PTK2: variants seen among roughly 807,000 people sequenced by gnomAD.
PTK2 encodes protein tyrosine kinase 2, also known as focal adhesion kinase 1.
A neutral mutation model predicts 150.1 loss-of-function variants in PTK2; 45 were observed. The observed-to-expected ratio is 0.30, with a 90% CI of 0.24 to 0.38. The LOEUF is 0.38. Among genes scored for constraint, PTK2 ranks in the 10% least tolerant of loss-of-function variants. The pLI is 1.00. For synonymous variants in PTK2, 432 were observed against 449.2 expected (o/e 0.96, Z 0.48); for missense variants, 919 against 1,307.3 (o/e 0.70, Z 4.58).
intron 2 of PTK2, among the ~76,000 whole-genome samples, chr8:140,900,679 G>A (rs1278546714): frequency 6.6e-6 from 1 of 151,804 alleles, no homozygotes; most frequent in Non-Finnish European, 1.5e-5. Flanking sequence ...CCGAGATCGT[G>A]CCACTGCATT....
rs879199712 is a variant in PTK2, at chr8:140,743,294, A to G, written c.1671T>C (p.Asn557=). ...CAAAGTCTCCTAATTTTACACAATC[A>G]TTTGAGGACACCAGAACATTCCGAG... The change falls in exon 20 of 32, where the codon AAT becomes AAC. Residue 557 remains asparagine, a synonymous_variant. Transcript: ENST00000522684. 6.2e-6 allele frequency: 10 copies of G among 1,613,516 alleles called. No homozygotes were observed. The African/African-American group carries it at 1.2e-4, about 19-fold the overall frequency.
In PTK2 at chr8:140,661,752, G is replaced by C. The variant is rs565812846; in HGVS notation, c.2947-2074C>G. ...TCTGGGCCAGAGCAGGGGGTCTCAAGGGGGAGTTAGGACTGAGGGGAAAGC... is the reference window on the plus strand; with the variant it reads ...TCTGGGCCAGAGCAGGGGGTCTCAACGGGGAGTTAGGACTGAGGGGAAAGC... On this transcript the variant is annotated intron_variant, in intron 31 of 31. Coordinates refer to ENST00000522684, the Ensembl canonical transcript of PTK2. 3.9e-5 allele frequency among the ~76,000 whole-genome samples: 6 copies of C among 152,322 alleles called. No individual in the cohort carries two copies. In the East Asian group the frequency reaches 1.2e-3, roughly 29 times the overall value.
At chr8:140,931,582 A>T (rs1439548888) in intron 1 of PTK2, among the ~76,000 whole-genome samples, 3 of 152,148 alleles carry the variant, frequency 2.0e-5, no homozygotes, top group Admixed American at 1.3e-4. Flanking sequence ...AAAAATTTTT[A>T]AATAAAAATA....
At chr8:141,001,867 T>C (rs1182840838), upstream of PTK2, 1 of 152,234 alleles carries the variant, frequency 6.6e-6, no homozygotes, top group East Asian at 1.9e-4. Context: ...TTTCATGGCA[T>C]TATAGCTAAG....
chr8:140,818,425 T>C, intron 9 of PTK2, 71 bp from the exon 10 acceptor site: 3 of 1,374,230 alleles, frequency 2.2e-6, no homozygotes, highest in Non-Finnish European at 3.1e-6. Flanking sequence ...TAAAGAGCCG[T>C]GGATATGTTA....
chr8:140,956,447 C>T (rs530006822), intron 1 of PTK2, among the ~76,000 whole-genome samples: 13 of 152,314 alleles, frequency 8.5e-5, no homozygotes, highest in African/African-American at 2.6e-4. Context: ...CTAGCACATA[C>T]GATTATGTAC....
chr8:140,695,757 G>A (rs1399247833), intron 26 of PTK2, among the ~76,000 whole-genome samples: 2 of 152,128 alleles, frequency 1.3e-5, no homozygotes, highest in African/African-American at 4.8e-5. Flanking sequence ...GCATTGCCAA[G>A]CCTAAGTAAT....
intron 5 of PTK2, among the ~76,000 whole-genome samples, chr8:140,851,095 T>G (rs2100129017): frequency 6.6e-6 from 1 of 152,234 alleles, no homozygotes; most frequent in Non-Finnish European, 1.5e-5. Flanking sequence ...ACTTACTAGC[T>G]GGGTGACCAA....
intron 14 of PTK2, 44 bp from the exon 17 acceptor site, chr8:140,764,334 G>A: frequency 7.3e-7 from 1 of 1,376,074 alleles, no homozygotes; most frequent in Non-Finnish European, 1.0e-6. Flanking sequence ...TTAAACATCT[G>A]ACCTCCTGGT....
chr8:140,910,388 T>G (rs1159645171), intron 2 of PTK2, among the ~76,000 whole-genome samples: 3 of 152,126 alleles, frequency 2.0e-5, no homozygotes, highest in African/African-American at 7.2e-5. Context: ...AATATAAATT[T>G]GTATCTTCAA....
rs531257363 is a variant in PTK2, at chr8:140,778,289, ACT to A, written c.1177+11183_1177+11184del. 3.3e-3 allele frequency among the ~76,000 whole-genome samples: 510 copies of A among 152,282 alleles called. 3 individuals are homozygous for A. Among genetic ancestry groups the A allele is most frequent in the African/African-American group, 0.012 (495 of 41,568 alleles). On this transcript the variant is annotated intron_variant, in intron 14 of 31. Transcript: ENST00000522684. ...TTGAGACCAGCTAACATGGAGAAAT[ACT>A]GTCTCTATCGAAAATACAAAAATTA...
chr8:140,688,679 C>T (rs1206936229), intron 26 of PTK2, among the ~76,000 whole-genome samples: 4 of 152,128 alleles, frequency 2.6e-5, no homozygotes, highest in Non-Finnish European at 4.4e-5. Context: ...ACCATTGTAC[C>T]ACTGCACTAC....
intron 10 of PTK2, among the ~76,000 whole-genome samples, chr8:140,814,965 A>G (rs1024270780): frequency 1.3e-5 from 2 of 152,082 alleles, no homozygotes; most frequent in African/African-American, 4.8e-5. Context: ...TAGTAGGGAC[A>G]GGGTTTCACC....
At chr8:140,776,872 G>T (rs576302655) in intron 14 of PTK2, among the ~76,000 whole-genome samples, 1 of 152,344 alleles carries the variant, frequency 6.6e-6, no homozygotes, top group South Asian at 2.1e-4. Context: ...AGTGTCAGAA[G>T]AACTGAGTCC....
At chr8:140,878,425 C>T (rs924530946) in intron 4 of PTK2, among the ~76,000 whole-genome samples, 3 of 152,050 alleles carry the variant, frequency 2.0e-5, no homozygotes, top group Non-Finnish European at 2.9e-5. Context: ...CATGCTGAAA[C>T]CCCAGCTCTG....
At chr8:140,808,881 C>T (rs894165477) in intron 10 of PTK2, among the ~76,000 whole-genome samples, 10 of 151,546 alleles carry the variant, frequency 6.6e-5, no homozygotes, top group African/African-American at 1.7e-4. Context: ...GGACTATAGG[C>T]GCCACCACGC....
rs117103231 is a variant in PTK2, at chr8:140,866,578, C to T, written c.363-2179G>A. 1.5e-4 allele frequency among the ~76,000 whole-genome samples: 23 copies of T among 152,288 alleles called. No homozygotes were observed. In the East Asian group the frequency reaches 4.3e-3, roughly 28 times the overall value. On this transcript the variant is annotated intron_variant, in intron 4 of 31. Coordinates refer to ENST00000522684, the Ensembl canonical transcript of PTK2. ...CCTCAATTTCCTTATAAGGATGTTA[C>T]AAGAAATAAATGAGTCAGTAAACAC...
intron 5 of PTK2, among the ~76,000 whole-genome samples, chr8:140,860,030 A>T (rs967876817): frequency 6.2e-4 from 95 of 152,350 alleles, no homozygotes; most frequent in African/African-American, 2.2e-3. Flanking sequence ...GCTAAAATTT[A>T]AAAATATGCA....
chr8:140,850,901 A>T (rs1213871478), intron 5 of PTK2, among the ~76,000 whole-genome samples: 1 of 152,206 alleles, frequency 6.6e-6, no homozygotes, highest in Non-Finnish European at 1.5e-5. Flanking sequence ...ATGCTAAATT[A>T]CTCCATAATG....
Sources: gnomAD v4.1 joint callset for allele counts (sites outside exome capture counted in the v4.1 genomes callset) on GRCh38, gnomAD v4.1.1 for gene constraint, MANE v1.5 for transcripts, NCBI Gene and HGNC (gene_info 2026-07-23, HGNC 2026-07-21) for gene names.